The following ZC3H7B variants were observed in gnomAD, a reference collection of about 807,000 sequenced individuals.
ZC3H7B encodes the protein zinc finger CCCH-type containing 7B.
In ZC3H7B, 35 loss-of-function variants were observed where a neutral mutation model predicts 116.0. The observed-to-expected ratio is 0.30, with a 90% CI of 0.23 to 0.40. The LOEUF (loss-of-function observed/expected upper bound fraction) is 0.40. Among genes scored for constraint, ZC3H7B ranks in the 10% least tolerant of loss-of-function variants. The pLI is 1.00. For synonymous variants in ZC3H7B, 502 were observed against 545.6 expected (o/e 0.92, Z 1.11); for missense variants, 1,011 against 1,321.5 (o/e 0.77, Z 3.64).
chr22:41,345,881 G>T, intron 13 of ZC3H7B, 122 bp from the exon 14 acceptor site: 1 of 970,476 alleles, frequency 1.0e-6, no homozygotes, highest in Non-Finnish European at 1.6e-6. Flanking sequence ...GCTGTGTTGG[G>T]GTGGAGCGAA....
intron 17 of ZC3H7B, among the ~76,000 whole-genome samples, chr22:41,354,919 C>T (rs1253144303): frequency 6.6e-6 from 1 of 152,206 alleles, no homozygotes; most frequent in East Asian, 1.9e-4. Flanking sequence ...CACCACCCTA[C>T]CCCTGCCGGG....
chr22:41,307,016 CA>C (rs1208868161), intron 1 of ZC3H7B, among the ~76,000 whole-genome samples: 1 of 151,054 alleles, frequency 6.6e-6, no homozygotes, highest in African/African-American at 2.4e-5. Context: ...TTCTGTCACC[CA>C]GGCTGGAGTG....
chr22:41,342,722 G>C (rs1397613926), intron 12 of ZC3H7B, 94 bp downstream of exon 12: 2 of 1,273,218 alleles, frequency 1.6e-6, no homozygotes, highest in African/African-American at 3.0e-5. Flanking sequence ...CAGTGTCTCA[G>C]TTGGAGATAA....
At chr22:41,311,424 G>C (rs1208554282) in intron 1 of ZC3H7B, among the ~76,000 whole-genome samples, 1 of 152,016 alleles carries the variant, frequency 6.6e-6, no homozygotes, top group Admixed American at 6.6e-5. Flanking sequence ...GTGTTCAGTT[G>C]GAGAAACACC....
In ZC3H7B at chr22:41,349,802, C is replaced by T. The variant is rs1385046494; in HGVS notation, c.1948+501C>T. ...CATTCAGCCATGGTCTAGTCGAGGC[C>T]CTTACTTTCAGAGAACCTACATTTA... On this transcript the variant is annotated intron_variant, in intron 16 of 22. Coordinates refer to ENST00000352645, the MANE Select transcript of ZC3H7B (RefSeq NM_017590.6). This position sits in a 1 kb window ranked among gnomAD's most constrained non-coding sequence, Gnocchi z 4.9. Among the ~76,000 whole-genome samples the T allele has an allele frequency of 6.6e-6, 1 of 152,168 alleles. No individual in the cohort carries two copies. Among genetic ancestry groups the T allele is most frequent in the Non-Finnish European group, 1.5e-5 (1 of 68,022 alleles).
intron 13 of ZC3H7B, among the ~76,000 whole-genome samples, 183 bp from the exon 14 acceptor site, chr22:41,345,820 C>T (rs3817998): frequency 0.088 from 13,289 of 151,780 alleles, 1,828 homozygotes; most frequent in East Asian, 0.45. Context: ...GAAAGGACTT[C>T]CCAGCTCTGC....
At chr22:41,340,619 A>G (rs1165332633) in intron 10 of ZC3H7B, among the ~76,000 whole-genome samples, 2 of 152,138 alleles carry the variant, frequency 1.3e-5, no homozygotes, top group African/African-American at 4.8e-5. Context: ...GCTTAACGGG[A>G]CTGTCGGGGC....
rs191186145 is a variant in ZC3H7B, at chr22:41,352,061, C to A, written c.2034+415C>A. Among the ~76,000 whole-genome samples the A allele has an allele frequency of 1.1e-3, 162 of 152,338 alleles. 1 individual carries two copies. The Middle Eastern group carries it at 0.02, about 19-fold the overall frequency. On this transcript the variant is annotated intron_variant, in intron 17 of 22. Coordinates refer to ENST00000352645, the MANE Select transcript of ZC3H7B (RefSeq NM_017590.6). ...ATCTTGCCCAGGCTTATCTGAAACT[C>A]CTGGGCTCAAGCAATCCTCCCACCT...
In ZC3H7B at chr22:41,327,194, C is replaced by A. The variant is rs760101222; in HGVS notation, c.286-12C>A. 1 of 1,613,334 alleles carries A rather than the reference C, an allele frequency of 6.2e-7. No individual in the cohort carries two copies. The highest frequency in any genetic ancestry group is 1.1e-5 in the South Asian group (1 of 91,080). ...AGGTGTTGACCAGTGACCACATGCT[C>A]CTCTCTGGCAGGGCCTGTATGAGAA... On this transcript the variant is annotated splice_polypyrimidine_tract_variant and intron_variant, in intron 4 of 22. Coordinates refer to ENST00000352645, the MANE Select transcript of ZC3H7B (RefSeq NM_017590.6). The surrounding 1 kb of genome is among the most constrained non-coding windows in gnomAD (Gnocchi z 4.5).
rs527912537 is a variant in ZC3H7B at position 41,338,664 on chromosome 22, T to C, written c.625+309T>C. On this transcript the variant is annotated intron_variant, in intron 8 of 22. Coordinates refer to ENST00000352645, the MANE Select transcript of ZC3H7B (RefSeq NM_017590.6). This position sits in a 1 kb window ranked among gnomAD's most constrained non-coding sequence, Gnocchi z 4.5. ...AAGCCCTTTCCCCTCCTCTTCCTCA[T>C]TGGCTTCCAGAAAAGGTTGCCTTTT... 1.3e-5 allele frequency among the ~76,000 whole-genome samples: 2 copies of C among 152,274 alleles called. No individual in the cohort carries two copies. Among genetic ancestry groups the C allele is most frequent in the South Asian group, 2.1e-4 (1 of 4,828 alleles).
chr22:41,352,991 A>G (rs940952510), intron 17 of ZC3H7B, among the ~76,000 whole-genome samples: 3 of 151,932 alleles, frequency 2.0e-5, no homozygotes, highest in African/African-American at 7.3e-5. Flanking sequence ...GAGGCAGGAG[A>G]ATTACTTGAA....
chr22:41,321,008 C>T (rs1394454831), intron 2 of ZC3H7B, among the ~76,000 whole-genome samples: 2 of 152,152 alleles, frequency 1.3e-5, no homozygotes, highest in Admixed American at 6.5e-5. Flanking sequence ...CATGACTGCA[C>T]GAGTTTTCTG....
intron 6 of ZC3H7B, among the ~76,000 whole-genome samples, chr22:41,330,620 C>G (rs2036369400): frequency 1.3e-5 from 2 of 152,098 alleles, no homozygotes; most frequent in Non-Finnish European, 1.5e-5. Context: ...TATGCCCACC[C>G]CAGAGGGCTC....
At chr22:41,340,443 T>A (rs1229080820) in intron 10 of ZC3H7B, among the ~76,000 whole-genome samples, 1 of 151,822 alleles carries the variant, frequency 6.6e-6, no homozygotes, top group African/African-American at 2.4e-5. Flanking sequence ...GCTGGTGAGA[T>A]CCCATGGGAT....
In ZC3H7B at chr22:41,323,877, C is replaced by T. The variant is rs570775176; in HGVS notation, c.54-1687C>T. On this transcript the variant is annotated intron_variant, in intron 2 of 22. Transcript: ENST00000352645. ...TGAGGTCAGGAGATCCCGACCATCC[C>T]GGCTAACATGGTGAAACCCTGTCTC... Among the ~76,000 whole-genome samples, 22 of 152,166 alleles carry T rather than the reference C, an allele frequency of 1.4e-4. No individual in the cohort carries two copies. The East Asian group carries it at 2.1e-3, about 15-fold the overall frequency.
chr22:41,350,377 G>A (rs1370263166), intron 16 of ZC3H7B, among the ~76,000 whole-genome samples: 1 of 152,150 alleles, frequency 6.6e-6, no homozygotes, highest in African/African-American at 2.4e-5. Flanking sequence ...TTTTAAGTGG[G>A]TGGAGTTATA....
chr22:41,348,181 T>G lies in ZC3H7B; in HGVS notation c.1766+14T>G. ...CTACAACAACAAGTGAGTGGGACCC[T>G]CAGCCCAGGCTGAGGCCTAGGGGCC... On this transcript the variant is annotated intron_variant, in intron 15 of 22. Coordinates refer to ENST00000352645, the MANE Select transcript of ZC3H7B (RefSeq NM_017590.6). 1 of 1,612,154 alleles carries G rather than the reference T, an allele frequency of 6.2e-7. No individual in the cohort carries two copies. Among genetic ancestry groups the G allele is most frequent in the Non-Finnish European group, 8.5e-7 (1 of 1,178,612 alleles).
intron 1 of ZC3H7B, 128 bp from the exon 2 acceptor site, chr22:41,320,527 C>T: frequency 9.4e-7 from 1 of 1,067,532 alleles, no homozygotes; most frequent in Admixed American, 1.7e-5. Flanking sequence ...CAGGGACACG[C>T]CTCCCGACAT....
chr22:41,346,710 G>C lies in ZC3H7B; in HGVS notation c.1665+502G>C, dbSNP rs1381909802. On this transcript the variant is annotated intron_variant, in intron 14 of 22. Coordinates refer to ENST00000352645, the MANE Select transcript of ZC3H7B (RefSeq NM_017590.6). This position sits in a 1 kb window ranked among gnomAD's most constrained non-coding sequence, Gnocchi z 5.3. Reference sequence around the variant, plus strand: ...GCACGCCTGTAGTCCCAGCTAGTTGGGAGGCTGAGGCAGGAGAATCACTTG... The same window carrying C: ...GCACGCCTGTAGTCCCAGCTAGTTGCGAGGCTGAGGCAGGAGAATCACTTG... Among the ~76,000 whole-genome samples, 1 of 152,170 alleles carries C rather than the reference G, an allele frequency of 6.6e-6. No individual in the cohort carries two copies. The highest frequency in any genetic ancestry group is 1.5e-5 in the Non-Finnish European group (1 of 68,036).
Sources: gnomAD v4.1 joint callset for allele counts (sites outside exome capture counted in the v4.1 genomes callset) on GRCh38, gnomAD v4.1.1 for gene constraint, Gnocchi (gnomAD v3.1) non-coding constraint, MANE v1.5 for transcripts, NCBI Gene and HGNC (gene_info 2026-07-23, HGNC 2026-07-21) for gene names.